The following KCNAB2 variants were observed in gnomAD, a reference collection of about 807,000 sequenced individuals.
The protein encoded by KCNAB2 is potassium voltage-gated channel subfamily A regulatory beta subunit 2.
A neutral mutation model predicts 63.6 loss-of-function variants in KCNAB2; 29 were observed. That is an observed-to-expected ratio of 0.46 (90% CI 0.34 to 0.62). The LOEUF (loss-of-function observed/expected upper bound fraction) is 0.62, where lower values mean the gene tolerates loss of function less well. Ranked by LOEUF, KCNAB2 falls within the 20% of genes least tolerant of loss-of-function variation. The pLI is 0.01. For synonymous variants in KCNAB2, 222 were observed against 224.2 expected (o/e 0.99, Z 0.09); for missense variants, 359 against 563.9 (o/e 0.64, Z 3.68).
At position 6,048,981 on chromosome 1, in the gene KCNAB2, A is replaced by G. The variant is rs555481855; in HGVS notation, c.-26-2530A>G. Among the ~76,000 whole-genome samples the G allele has an allele frequency of 1.1e-3, 172 of 152,360 alleles. 2 individuals are homozygous for G. Among genetic ancestry groups the G allele is most frequent in the Middle Eastern group, 0.01 (3 of 294 alleles). ...CTCCAGAGCGATTCTCCTGGAAGGCAGACGGCTTTCCATGCCAGGGTACCC... is the reference window on the plus strand; with the variant it reads ...CTCCAGAGCGATTCTCCTGGAAGGCGGACGGCTTTCCATGCCAGGGTACCC... On this transcript the variant is annotated intron_variant, in intron 1 of 15. Coordinates refer to ENST00000378083, the MANE Select transcript of KCNAB2 (RefSeq NM_001199862.2).
chr1:6,086,176 TA>T lies in KCNAB2; in HGVS notation c.425+931del. On this transcript the variant is annotated intron_variant, in intron 6 of 15. Coordinates refer to ENST00000378083, the MANE Select transcript of KCNAB2 (RefSeq NM_001199862.2). This position sits in a 1 kb window ranked among gnomAD's most constrained non-coding sequence, Gnocchi z 4.2. ...TTTTCAGAAACATCAGAAGCAGTTA[TA>T]AAGTTGGGCCTCCCTCCTCCCTCCC... 4 of 985,438 alleles carry T rather than the reference TA, an allele frequency of 4.1e-6. No individual in the cohort carries two copies. Among genetic ancestry groups the T allele is most frequent in the South Asian group, 4.7e-5 (1 of 21,284 alleles). 61.0% of individuals were successfully genotyped at this position (985,438 alleles called of 1,614,324 possible).
chr1:6,095,630 G>C lies in KCNAB2; in HGVS notation c.948+6G>C, dbSNP rs1022858008. On this transcript the variant is annotated splice_donor_region_variant and intron_variant, in intron 13 of 15. Coordinates refer to ENST00000378083, the MANE Select transcript of KCNAB2 (RefSeq NM_001199862.2). ...ACTCAAGAGCCTCCTTGAAGGTGAA[G>C]GAACAGCCTGGTGGGGAGGGACGGG... 1.2e-6 allele frequency: 2 copies of C among 1,612,758 alleles called. No individual in the cohort carries two copies. Among genetic ancestry groups the C allele is most frequent in the Non-Finnish European group, 1.7e-6 (2 of 1,179,616 alleles).
At chr1:6,080,387 G>T (rs996480788) in intron 4 of KCNAB2, among the ~76,000 whole-genome samples, 22 of 152,136 alleles carry the variant, frequency 1.4e-4, no homozygotes, top group Admixed American at 2.6e-4. Context: ...GGAGGAGGCT[G>T]GGGGGGCAGC....
Position 6,096,474 on chromosome 1 carries a change from T to C in KCNAB2, c.949-162T>C, listed in dbSNP as rs1053034976. ...CGGCCCACTGCCCACTCTCCCCTAC[T>C]TGAGAGGCCTGGGGCAGGGGCACTG... is the stretch of plus-strand genomic sequence containing the variant. On this transcript the variant is annotated intron_variant, in intron 13 of 15. Transcript: ENST00000378083. This position sits in a 1 kb window ranked among gnomAD's most constrained non-coding sequence, Gnocchi z 5.9. The C allele has an allele frequency of 1.4e-4, 134 of 970,416 alleles. 1 individual carries two copies. Among genetic ancestry groups the C allele is most frequent in the Non-Finnish European group, 1.9e-4 (128 of 666,718 alleles). The allele number at this position is 970,416 out of a possible 1,614,324, so 60.1% of individuals were successfully genotyped here. A position where few individuals can be genotyped will look rare whatever the true frequency, so the allele number is the denominator to read the frequency against.
At position 6,096,335 on chromosome 1, in the gene KCNAB2, TAA is replaced by T. The variant is rs1665637702; in HGVS notation, c.949-300_949-299del. ...CGAGACCCCAGGCTGCCAAGTTTCC[TAA>T]GAGAAGGAAGGCCAGCACCTCGCCT... On this transcript the variant is annotated intron_variant, in intron 13 of 15. Coordinates refer to ENST00000378083, the MANE Select transcript of KCNAB2 (RefSeq NM_001199862.2). This position sits in a 1 kb window ranked among gnomAD's most constrained non-coding sequence, Gnocchi z 5.9. 2.2e-6 allele frequency: 1 copy of T among 462,680 alleles called. No homozygotes were observed. The highest frequency in any genetic ancestry group is 4.0e-6 in the Non-Finnish European group (1 of 249,772). The allele number at this position is 462,680 out of a possible 1,614,324, so 28.7% of individuals were successfully genotyped here.
chr1:6,089,175 C>T (rs549280161), intron 8 of KCNAB2, 124 bp downstream of exon 8: 2 of 1,061,596 alleles, frequency 1.9e-6, no homozygotes, highest in Non-Finnish European at 2.8e-6. Flanking sequence ...TCCCGGGGCA[C>T]CCGGTGCTCT....
intron 2 of KCNAB2, among the ~76,000 whole-genome samples, chr1:6,058,585 C>T (rs1343641609): frequency 6.6e-6 from 1 of 152,250 alleles, no homozygotes; most frequent in Non-Finnish European, 1.5e-5. Flanking sequence ...AGGCCCTTCC[C>T]GTCCCTGGAA....
chr1:6,085,091 C>T (rs1040962178), intron 5 of KCNAB2, 113 bp from the exon 6 acceptor site: 73 of 1,110,428 alleles, frequency 6.6e-5, no homozygotes, highest in East Asian at 9.5e-5. Flanking sequence ...CAGCCTGGCT[C>T]TCTGGCCCCA....
intron 4 of KCNAB2, among the ~76,000 whole-genome samples, chr1:6,079,481 T>C (rs2100697622): frequency 6.6e-6 from 1 of 151,612 alleles, no homozygotes; most frequent in South Asian, 2.1e-4. Context: ...ATTGTGCCAC[T>C]GCACTCCCGC....
exon 2 of KCNAB2, chr1:6,040,529 G>A (rs755694345): frequency 1.3e-6 from 2 of 1,579,486 alleles, no homozygotes; most frequent in South Asian, 1.1e-5. Context: ...TTTTCCCACT[G>A]TAAAAAACCG....
chr1:6,044,440 C>T (rs971663148), upstream of KCNAB2, among the ~76,000 whole-genome samples: 4 of 152,138 alleles, frequency 2.6e-5, no homozygotes, highest in African/African-American at 9.7e-5. Flanking sequence ...GGATTCAACG[C>T]AGAGGCTGGG....
intron 4 of KCNAB2, among the ~76,000 whole-genome samples, chr1:6,075,313 C>T (rs1187771221): frequency 6.6e-6 from 1 of 152,250 alleles, no homozygotes; most frequent in Non-Finnish European, 1.5e-5. Flanking sequence ...ATGACGTTTT[C>T]ACCAGCAAAC....
chr1:6,030,715 T>C (rs181020758), upstream of KCNAB2, among the ~76,000 whole-genome samples: 4 of 151,560 alleles, frequency 2.6e-5, no homozygotes, highest in Admixed American at 2.6e-4. Context: ...TGTGTGTAGG[T>C]ATGTGTATGT....
At chr1:6,077,041 C>T (rs1187471247) in intron 4 of KCNAB2, among the ~76,000 whole-genome samples, 3 of 151,934 alleles carry the variant, frequency 2.0e-5, no homozygotes, top group Non-Finnish European at 4.4e-5. Context: ...AAAAAATTAG[C>T]GGGGCGTGGT....
upstream of KCNAB2, among the ~76,000 whole-genome samples, chr1:6,042,920 G>A (rs925201875): frequency 5.6e-5 from 8 of 143,812 alleles, no homozygotes; most frequent in Admixed American, 1.5e-4. Flanking sequence ...TCTGTGCCAC[G>A]CCTTCAGTGC....
At position 6,100,161 on chromosome 1, in the gene KCNAB2, C is replaced by T. The variant is rs1259820716; in HGVS notation, c.*1587C>T. The T allele has an allele frequency of 7.5e-6, 10 of 1,328,454 alleles. No homozygotes were observed. The highest frequency in any genetic ancestry group is 5.4e-5 in the East Asian group (2 of 36,802). 82.3% of individuals were successfully genotyped at this position (1,328,454 alleles called of 1,614,324 possible). On this transcript the variant is annotated 3_prime_UTR_variant, in exon 16 of 16. Coordinates refer to ENST00000378083, the MANE Select transcript of KCNAB2 (RefSeq NM_001199862.2). ...CGGGAGCCTGCTGTCCAGTCCTGGC[C>T]GGGCCAAGGCCTGGGAAACTGTGAA...
chr1:6,072,942 T>A lies in KCNAB2; in HGVS notation c.262+144T>A, dbSNP rs1663336163. 6.3e-6 allele frequency: 4 copies of A among 635,560 alleles called. No homozygotes were observed. The Admixed American group carries it at 1.2e-4, about 19-fold the overall frequency. 39.4% of individuals were successfully genotyped at this position (635,560 alleles called of 1,614,324 possible). ...AGTAGCTGCACCCAGAGCCCAGGAT[T>A]CAGGGGGGCTCGGTTGCCATGGCAA... On this transcript the variant is annotated intron_variant, in intron 3 of 15. Transcript: ENST00000378083.
At chr1:6,001,236 G>A (rs1657239071) in intron 1 of KCNAB2, among the ~76,000 whole-genome samples, 1 of 151,760 alleles carries the variant, frequency 6.6e-6, no homozygotes, top group South Asian at 2.1e-4. Flanking sequence ...GAGGCCCCAG[G>A]CCCTACCCTG....
intron 1 of KCNAB2, among the ~76,000 whole-genome samples, chr1:6,005,922 C>T (rs546075792): frequency 4.8e-4 from 47 of 96,918 alleles, no homozygotes; most frequent in East Asian, 2.3e-3. Context: ...GCTCCCACAT[C>T]CCCCCACTCC....
Sources: allele counts gnomAD v4.1 joint callset (sites outside exome capture counted in the v4.1 genomes callset), GRCh38; gene constraint gnomAD v4.1.1; non-coding constraint Gnocchi (gnomAD v3.1); transcripts MANE v1.5; gene names NCBI Gene and HGNC (gene_info 2026-07-23, HGNC 2026-07-21).